LRRK1: variants seen among roughly 807,000 people sequenced by gnomAD.
LRRK1 encodes the protein leucine rich repeat kinase 1.
LRRK1 carries 113 observed loss-of-function variants against 209.1 expected under a neutral mutation model. That is an observed-to-expected ratio of 0.54 (90% confidence interval 0.46 to 0.63). The LOEUF (loss-of-function observed/expected upper bound fraction) is 0.63. Ranked by LOEUF, LRRK1 falls within the 30% of genes least tolerant of loss-of-function variation. The probability of loss-of-function intolerance (pLI) is 0.00; values close to 1 mark genes in which losing one functional copy is unlikely to be tolerated. For missense variants in LRRK1, 2,284 were observed against 2,632.2 expected (o/e 0.87, Z 2.89); for synonymous variants, 1,144 against 1,099.7 (o/e 1.04, Z -0.80).
chr15:101,057,452 G>GTGTT (rs981043918), intron 28 of LRRK1, among the ~76,000 whole-genome samples: 2 of 152,164 alleles, frequency 1.3e-5, no homozygotes, highest in African/African-American at 4.8e-5. Flanking sequence ...TGGTGTTTTT[G>GTGTT]TGTTTTTGGA....
intron 6 of LRRK1, among the ~76,000 whole-genome samples, chr15:101,004,761 C>G (rs2032863657): frequency 6.6e-6 from 1 of 152,184 alleles, no homozygotes; most frequent in African/African-American, 2.4e-5. Flanking sequence ...GTTCAGGGCT[C>G]CAGCCCCAGC....
chr15:101,002,594 T>C, intron 6 of LRRK1, among the ~76,000 whole-genome samples: 1 of 152,238 alleles, frequency 6.6e-6, no homozygotes, highest in East Asian at 1.9e-4. Flanking sequence ...TAGGATTATA[T>C]AATTGCTGGC....
Position 101,077,785 on chromosome 15 carries a change from A to G in LRRK1, c.*8937A>G, listed in dbSNP as rs1037483351. ...GCCCCCCAAAAATTTTCGCTGCCCCAACACTTCGACACTATTTTGTTTTAT... is the reference window on the plus strand; with the variant it reads ...GCCCCCCAAAAATTTTCGCTGCCCCGACACTTCGACACTATTTTGTTTTAT... On this transcript the variant is annotated 3_prime_UTR_variant, in exon 34 of 34. Transcript: ENST00000388948. 4.6e-5 allele frequency: 7 copies of G among 151,984 alleles called. No homozygotes were observed. Among genetic ancestry groups the G allele is most frequent in the Admixed American group, 2.6e-4 (4 of 15,254 alleles). The allele number at this position is 151,984 out of a possible 1,614,324, so 9.4% of individuals were successfully genotyped here. A position where few individuals can be genotyped will look rare whatever the true frequency, so the allele number is the denominator to read the frequency against.
intron 2 of LRRK1, among the ~76,000 whole-genome samples, chr15:100,962,113 G>A (rs1391927587): frequency 6.6e-6 from 1 of 152,108 alleles, no homozygotes; most frequent in Non-Finnish European, 1.5e-5. Context: ...CACTAAGCCA[G>A]GGTGAAACAC....
intron 9 of LRRK1, 113 bp from the exon 10 acceptor site, chr15:101,011,895 G>A (rs183860495): frequency 7.7e-5 from 59 of 764,894 alleles, no homozygotes; most frequent in Non-Finnish European, 1.1e-4. Flanking sequence ...CTTCATTACA[G>A]GACATTATTG....
In LRRK1 at chr15:101,070,629, G is replaced by C. The variant is rs1260578805; in HGVS notation, c.*1781G>C. On this transcript the variant is annotated 3_prime_UTR_variant, in exon 34 of 34. Transcript: ENST00000388948. ...AGCCCCAGGCCTCACAGAGCCAGGG[G>C]AGGGGATCTCATCACATCACAGTTA... The C allele has an allele frequency of 6.6e-6, 1 of 152,052 alleles. No homozygotes were observed. The highest frequency in any genetic ancestry group is 1.5e-5 in the Non-Finnish European group (1 of 68,034). 9.4% of individuals were successfully genotyped at this position (152,052 alleles called of 1,614,324 possible). A position where few individuals can be genotyped will look rare whatever the true frequency, so the allele number is the denominator to read the frequency against.
At chr15:100,941,459 TGTCTCTGTGTGTGTGTGTGTGTG>T (rs2042431249) in intron 2 of LRRK1, among the ~76,000 whole-genome samples, 1 of 65,038 alleles carries the variant, frequency 1.5e-5, no homozygotes, top group Non-Finnish European at 2.9e-5. Context: ...TGTGTGTCTA[TGTCTCTGTGTGTGTGTGTGTGTG>T]TGTGTGTGTG....
At chr15:101,057,714 G>A (rs981462430) in intron 28 of LRRK1, among the ~76,000 whole-genome samples, 2 of 152,200 alleles carry the variant, frequency 1.3e-5, no homozygotes, top group Non-Finnish European at 2.9e-5. Flanking sequence ...AATATAGTGA[G>A]ATGAAGAGTG....
At chr15:100,948,851 C>T (rs558504283) in intron 2 of LRRK1, among the ~76,000 whole-genome samples, 14 of 152,258 alleles carry the variant, frequency 9.2e-5, no homozygotes, top group Admixed American at 8.5e-4. Context: ...ATCACGCTAA[C>T]ACTTAAGGGA....
At chr15:100,947,791 G>T (rs902724546) in intron 2 of LRRK1, among the ~76,000 whole-genome samples, 1 of 152,060 alleles carries the variant, frequency 6.6e-6, no homozygotes, top group African/African-American at 2.4e-5. Context: ...CTATGCAGAA[G>T]AACTTTCAAG....
intron 19 of LRRK1, 27 bp from the exon 20 acceptor site, chr15:101,028,929 G>C: frequency 6.2e-7 from 1 of 1,609,950 alleles, no homozygotes; most frequent in Non-Finnish European, 8.5e-7. Flanking sequence ...TCTAACTGCT[G>C]CTTCCTCCTC....
chr15:100,984,639 A>G (rs193117160), intron 4 of LRRK1, among the ~76,000 whole-genome samples: 43 of 152,284 alleles, frequency 2.8e-4, no homozygotes, highest in African/African-American at 9.6e-4. Flanking sequence ...AGGTTTCTCC[A>G]TGCCTTTTTG....
chr15:100,998,812 A>T (rs1349310488), intron 6 of LRRK1, among the ~76,000 whole-genome samples: 1 of 148,382 alleles, frequency 6.7e-6, no homozygotes, highest in Non-Finnish European at 1.5e-5. Flanking sequence ...GCATGGATGG[A>T]TGGATGAATG....
chr15:100,925,341 G>A (rs1596150002), intron 2 of LRRK1, among the ~76,000 whole-genome samples: 1 of 152,046 alleles, frequency 6.6e-6, no homozygotes, highest in South Asian at 2.1e-4. Context: ...TTTAATAATT[G>A]GATCAAAAAA....
intron 23 of LRRK1, 45 bp from the exon 24 acceptor site, chr15:101,051,666 G>A (rs1158913490): frequency 2.5e-6 from 4 of 1,593,712 alleles, no homozygotes; most frequent in Non-Finnish European, 3.4e-6. Context: ...GGGCCCTCCT[G>A]CACCACCTTC....
chr15:101,058,218 T>C (rs1005852931), intron 29 of LRRK1, 77 bp downstream of exon 29: 2 of 1,440,180 alleles, frequency 1.4e-6, no homozygotes, highest in South Asian at 1.2e-5. Context: ...ACACAGTCGA[T>C]GTTGACCACA....
At chr15:100,921,117 G>T (rs2042014006) in intron 1 of LRRK1, among the ~76,000 whole-genome samples, 1 of 152,118 alleles carries the variant, frequency 6.6e-6, no homozygotes, top group Admixed American at 6.5e-5. Flanking sequence ...TAATTATCTT[G>T]TGGTCTCCAC....
intron 20 of LRRK1, among the ~76,000 whole-genome samples, chr15:101,045,439 C>T (rs1313324197): frequency 3.3e-5 from 5 of 152,180 alleles, no homozygotes; most frequent in Admixed American, 6.5e-5. Context: ...AGAGTGTTCT[C>T]GTAAAACATC....
intron 33 of LRRK1, chr15:101,067,098 G>A (rs953553778): frequency 8.3e-6 from 3 of 362,058 alleles, no homozygotes; most frequent in South Asian, 4.3e-5. Flanking sequence ...AACCCTACCC[G>A]AGGTGTCCAC....
Sources: allele counts gnomAD v4.1 joint callset (sites outside exome capture counted in the v4.1 genomes callset), GRCh38; gene constraint gnomAD v4.1.1; transcripts MANE v1.5; gene names NCBI Gene and HGNC (gene_info 2026-07-23, HGNC 2026-07-21).